GPC5: variants seen among roughly 807,000 people sequenced by gnomAD.
GPC5 encodes glypican 5, also known as glypican-5.
GPC5 carries 47 observed loss-of-function variants against 53.9 expected under a neutral mutation model. That is an observed-to-expected ratio of 0.87 (90% CI 0.69 to 1.11). GPC5 has a LOEUF of 1.11. Among genes scored for constraint, GPC5 ranks in the 50% most tolerant of loss-of-function variants. The probability of loss-of-function intolerance (pLI) is 0.00; values close to 1 mark genes in which losing one functional copy is unlikely to be tolerated. For missense variants in GPC5, 748 were observed against 713.1 expected, an observed-to-expected ratio of 1.05 and a Z score of -0.56; for synonymous variants, 286 against 263.3, an observed-to-expected ratio of 1.09 and a Z score of -0.84.
chr13:92,214,686 A>G (rs2042397629), intron 7 of GPC5, among the ~76,000 whole-genome samples: 1 of 152,066 alleles, frequency 6.6e-6, no homozygotes, highest in Non-Finnish European at 1.5e-5. Flanking sequence ...CAGAATAATG[A>G]CTCCCTTAAT....
chr13:91,438,682 C>G (rs952997789), intron 1 of GPC5, among the ~76,000 whole-genome samples: 1 of 152,204 alleles, frequency 6.6e-6, no homozygotes, highest in African/African-American at 2.4e-5. Context: ...CTACTCTCTT[C>G]AAAGCTGTCA....
At chr13:92,181,472 A>G (rs1338568182) in intron 7 of GPC5, among the ~76,000 whole-genome samples, 3 of 152,238 alleles carry the variant, frequency 2.0e-5, no homozygotes, top group East Asian at 1.9e-4. Flanking sequence ...AATCATTGCT[A>G]TATATCATGC....
chr13:91,934,895 T>C (rs2039855411), intron 6 of GPC5, among the ~76,000 whole-genome samples: 1 of 152,002 alleles, frequency 6.6e-6, no homozygotes, highest in African/African-American at 2.4e-5. Context: ...CTCAGTTTCT[T>C]ATCTCCAGAT....
At chr13:92,201,197 C>T (rs2042292767) in intron 7 of GPC5, among the ~76,000 whole-genome samples, 1 of 152,156 alleles carries the variant, frequency 6.6e-6, no homozygotes, top group Non-Finnish European at 1.5e-5. Context: ...ATGCCTTTCA[C>T]TCTTGAAGAG....
chr13:92,041,222 A>G (rs2040939278), intron 6 of GPC5, among the ~76,000 whole-genome samples: 1 of 152,212 alleles, frequency 6.6e-6, no homozygotes, highest in Non-Finnish European at 1.5e-5. Flanking sequence ...CAAATGCAAA[A>G]AGTTGCATTT....
chr13:91,682,634 C>T (rs1224294766), intron 2 of GPC5, among the ~76,000 whole-genome samples: 1 of 152,170 alleles, frequency 6.6e-6, no homozygotes, highest in Non-Finnish European at 1.5e-5. Context: ...CGATTCCTGC[C>T]TCAACAGATT....
At chr13:91,882,239 T>C (rs1280651220) in intron 5 of GPC5, among the ~76,000 whole-genome samples, 1 of 152,130 alleles carries the variant, frequency 6.6e-6, no homozygotes, top group Non-Finnish European at 1.5e-5. Context: ...AAAAAATATA[T>C]ATTGAGGTTT....
chr13:92,264,877 T>C (rs1267290079), intron 7 of GPC5, among the ~76,000 whole-genome samples: 1 of 67,418 alleles, frequency 1.5e-5, no homozygotes, highest in East Asian at 3.3e-4. Context: ...TCTCTCTCTC[T>C]CTGTGTGTGT....
rs1209263806 is a variant in GPC5 at position 92,089,900 on chromosome 13, G to C, written c.1402-54930G>C. Among the ~76,000 whole-genome samples, 8 of 152,088 alleles carry C rather than the reference G, an allele frequency of 5.3e-5. No homozygotes were observed. In the East Asian group the frequency reaches 1.5e-3, roughly 29 times the overall value. On this transcript the variant is annotated intron_variant, in intron 6 of 7. Coordinates refer to ENST00000377067, the MANE Select transcript of GPC5 (RefSeq NM_004466.6). ...GTTCTGTATCAACTTAGTTTTTGTA[G>C]ACACTATATGGTATAAGAAGACAAT...
At chr13:92,750,415 T>C (rs1889354247) in intron 7 of GPC5, among the ~76,000 whole-genome samples, 1 of 151,576 alleles carries the variant, frequency 6.6e-6, no homozygotes, top group Non-Finnish European at 1.5e-5. Context: ...AAAATACTAT[T>C]ATTGAAGAGA....
intron 3 of GPC5, among the ~76,000 whole-genome samples, chr13:91,717,032 C>T (rs540062440): frequency 4.6e-5 from 7 of 152,266 alleles, no homozygotes; most frequent in African/African-American, 7.2e-5. Context: ...CAAATCCCAC[C>T]GGGGACGTGC....
At chr13:92,791,685 G>T (rs2138775392) in intron 7 of GPC5, among the ~76,000 whole-genome samples, 1 of 152,102 alleles carries the variant, frequency 6.6e-6, no homozygotes, top group South Asian at 2.1e-4. Flanking sequence ...TTACATTTTA[G>T]TGTGTACATA....
intron 5 of GPC5, among the ~76,000 whole-genome samples, chr13:91,766,645 G>A (rs965837115): frequency 9.9e-5 from 15 of 152,154 alleles, no homozygotes; most frequent in African/African-American, 1.4e-4. Flanking sequence ...GGCAGAACAC[G>A]AGGTCAGGAG....
intron 6 of GPC5, among the ~76,000 whole-genome samples, chr13:92,055,570 TA>T (rs2041067923): frequency 2.0e-5 from 3 of 152,224 alleles, no homozygotes; most frequent in Non-Finnish European, 2.9e-5. Flanking sequence ...AAAGTTTAAA[TA>T]TTTTAACTTT....
At chr13:92,457,841 C>G (rs566704350) in intron 7 of GPC5, among the ~76,000 whole-genome samples, 1 of 152,144 alleles carries the variant, frequency 6.6e-6, no homozygotes, top group African/African-American at 2.4e-5. Context: ...ATTTATTGAC[C>G]CTTACGGTTA....
At chr13:91,415,328 G>T (rs1178644567) in intron 1 of GPC5, among the ~76,000 whole-genome samples, 1 of 152,180 alleles carries the variant, frequency 6.6e-6, no homozygotes, top group Non-Finnish European at 1.5e-5. Flanking sequence ...CAACTATCTA[G>T]ACGCTTGTGG....
At chr13:92,256,254 G>A (rs1013921434) in intron 7 of GPC5, among the ~76,000 whole-genome samples, 18 of 151,814 alleles carry the variant, frequency 1.2e-4, no homozygotes, top group Non-Finnish European at 2.1e-4. Context: ...ATTGGATGTC[G>A]AATGTCCACG....
chr13:92,740,901 TATATA>T (rs1594469509), intron 7 of GPC5, among the ~76,000 whole-genome samples: 4 of 64,292 alleles, frequency 6.2e-5, no homozygotes, highest in South Asian at 4.7e-4. Context: ...TTTATTTATA[TATATA>T]TATATATATA....
intron 7 of GPC5, among the ~76,000 whole-genome samples, chr13:92,819,965 T>C (rs954903669): frequency 1.3e-5 from 2 of 152,120 alleles, no homozygotes; most frequent in Admixed American, 1.3e-4. Context: ...TTTCCTAATC[T>C]CCATTACATG....
Sources: gnomAD v4.1 joint callset for allele counts (sites outside exome capture counted in the v4.1 genomes callset) on GRCh38, gnomAD v4.1.1 for gene constraint, MANE v1.5 for transcripts, NCBI Gene and HGNC (gene_info 2026-07-23, HGNC 2026-07-21) for gene names.